RECQL: variants seen among roughly 807,000 people sequenced by gnomAD.
The protein encoded by RECQL is RecQ like helicase.
A neutral mutation model predicts 75.8 loss-of-function variants in RECQL; 73 were observed. That is an observed-to-expected ratio of 0.96 (90% CI 0.80 to 1.17). The LOEUF (loss-of-function observed/expected upper bound fraction) is 1.17, where lower values mean the gene tolerates loss of function less well. Ranked by LOEUF, RECQL falls within the 50% of genes most tolerant of loss-of-function variation. The probability of loss-of-function intolerance (pLI) is 0.00; values close to 1 mark genes in which losing one functional copy is unlikely to be tolerated. For missense variants in RECQL, 699 were observed against 772.1 expected, an observed-to-expected ratio of 0.91 and a Z score of 1.12; for synonymous variants, 248 against 254.4, an observed-to-expected ratio of 0.97 and a Z score of 0.24.
At chr12:21,493,430 A>C (rs1943448688) in intron 2 of RECQL, among the ~76,000 whole-genome samples, 1 of 152,134 alleles carries the variant, frequency 6.6e-6, no homozygotes, top group Non-Finnish European at 1.5e-5. Flanking sequence ...AAAATGTAGG[A>C]TCTGCATTAA....
At chr12:21,488,070 T>C (rs576201066) in intron 4 of RECQL, among the ~76,000 whole-genome samples, 3 of 152,306 alleles carry the variant, frequency 2.0e-5, no homozygotes, top group African/African-American at 7.2e-5. Flanking sequence ...TACTCACCAG[T>C]TCCACTTCCT....
At position 21,477,857 on chromosome 12, in the gene RECQL, A is replaced by G; in HGVS notation, c.813T>C (p.Ile271=). 1 of 1,613,964 alleles carries G rather than the reference A, an allele frequency of 6.2e-7. No individual in the cohort carries two copies. The highest frequency in any genetic ancestry group is 1.1e-5 in the South Asian group (1 of 91,022). The change falls in exon 7 of 15, where the codon ATT becomes ATC. Residue 271 remains isoleucine (I), a synonymous_variant. Transcript: ENST00000444129. ...VLTDAQKILC[I]EKCFTFTASF... ...AAGCTGTAAAAGTAAAACACTTTTC[A>G]ATGCACAAAATTTTCTGAGCATCCG...
intron 8 of RECQL, 97 bp from the exon 9 acceptor site, chr12:21,475,921 C>A: frequency 1.0e-6 from 1 of 959,332 alleles, no homozygotes; most frequent in Non-Finnish European, 1.5e-6. Context: ...ATACAATGCA[C>A]AGAAGGAAAA....
rs895266609 is a variant in RECQL at position 21,477,733 on chromosome 12, A to G, written c.867+70T>C. 3.8e-6 allele frequency: 5 copies of G among 1,300,196 alleles called. 1 individual carries two copies. The South Asian group carries it at 6.2e-5, about 16-fold the overall frequency. 80.5% of individuals were successfully genotyped at this position (1,300,196 alleles called of 1,614,324 possible). A position where few individuals can be genotyped will look rare whatever the true frequency, so the allele number is the denominator to read the frequency against. The stretch of plus-strand genomic sequence containing the variant: ...TACTTAACTGCTCATGTAAATAAAC[A>G]TAATAAAAAGGCAGATCCCCTCTGC... On this transcript the variant is annotated intron_variant, in intron 7 of 14. Coordinates refer to ENST00000444129, the MANE Select transcript of RECQL (RefSeq NM_002907.4).
intron 11 of RECQL, 22 bp from the exon 12 acceptor site, chr12:21,473,664 C>A: frequency 6.3e-7 from 1 of 1,593,154 alleles, no homozygotes; most frequent in Non-Finnish European, 8.6e-7. Flanking sequence ...TTTAAAGATA[C>A]AAATTATTAA....
intron 12 of RECQL, 50 bp downstream of exon 12, chr12:21,473,501 G>T: frequency 7.5e-7 from 1 of 1,336,192 alleles, no homozygotes; most frequent in Non-Finnish European, 1.1e-6. Flanking sequence ...TCTGTCACTA[G>T]GCATTATGAC....
In RECQL at chr12:21,491,529, C is replaced by T. The variant is rs1194615445; in HGVS notation, c.204G>A (p.Trp68Ter). The change falls in exon 3 of 15, where the codon TGG (tryptophan) becomes TGA (stop). Residue 68 changes from tryptophan to a stop codon, truncating the protein, a stop_gained. Coordinates refer to ENST00000444129, the MANE Select transcript of RECQL (RefSeq NM_002907.4). LOFTEE classifies it high-confidence loss of function. ...SNEYDSSPAA[W>*]NKEDFPWSGK... The stretch of plus-strand genomic sequence containing the variant: ...AAAAAAAAAGTTAACCTTCTTTATT[C>T]CAAGCGGCAGGTGAAGAATCATATT... 1 of 1,581,400 alleles carries T rather than the reference C, an allele frequency of 6.3e-7. No homozygotes were observed. The highest frequency in any genetic ancestry group is 2.3e-5 in the East Asian group (1 of 44,418).
intron 10 of RECQL, 110 bp downstream of exon 10, chr12:21,475,358 C>T (rs1943063781): frequency 2.8e-6 from 2 of 708,068 alleles, no homozygotes; most frequent in Non-Finnish European, 4.7e-6. Flanking sequence ...ATACATTGTT[C>T]TAAAAATACT....
At position 21,491,650 on chromosome 12, in the gene RECQL, A is replaced by T. The variant is rs1565574154; in HGVS notation, c.83T>A (p.Leu28His). ...LHAVEIQIQE[L>H]TERQQELIQK... ...AATAAGCTCTTGTTGCCTTTCCGTAAGTTCTTGAATTTGAATTTCTACTGC... is the reference window on the plus strand; with the variant it reads ...AATAAGCTCTTGTTGCCTTTCCGTATGTTCTTGAATTTGAATTTCTACTGC... The change falls in exon 3 of 15, where the codon CTT (leucine) becomes CAT (histidine). Residue 28 changes from leucine (L) to histidine (H), a missense_variant. Around this residue, in one of 2 missense-constraint regions of RECQL, gnomAD observed 669 missense variants for 713.5 expected, o/e 0.94. Coordinates refer to ENST00000444129, the MANE Select transcript of RECQL (RefSeq NM_002907.4). 1.2e-6 allele frequency: 2 copies of T among 1,613,656 alleles called. No homozygotes were observed. Among genetic ancestry groups the T allele is most frequent in the Non-Finnish European group, 1.7e-6 (2 of 1,179,866 alleles).
chr12:21,475,295 C>T (rs769805560), intron 10 of RECQL, among the ~76,000 whole-genome samples, 173 bp downstream of exon 10: 5 of 151,960 alleles, frequency 3.3e-5, no homozygotes, highest in Non-Finnish European at 5.9e-5. Flanking sequence ...ATTCAGATAA[C>T]AGAACATAAG....
intron 9 of RECQL, 26 bp from the exon 10 acceptor site, chr12:21,475,611 T>G: frequency 6.2e-7 from 1 of 1,606,966 alleles, no homozygotes; most frequent in East Asian, 2.2e-5. Context: ...ATTTTATCAG[T>G]TAATTAAATC....
chr12:21,476,239 C>CT (rs1386606047), intron 8 of RECQL, among the ~76,000 whole-genome samples: 6 of 151,996 alleles, frequency 3.9e-5, no homozygotes, highest in African/African-American at 9.7e-5. Flanking sequence ...GGGTGTCTCT[C>CT]TTTATTTTCA....
chr12:21,496,328 G>T (rs571236647), intron 2 of RECQL, among the ~76,000 whole-genome samples: 9 of 152,318 alleles, frequency 5.9e-5, no homozygotes, highest in Non-Finnish European at 5.9e-5. Context: ...TTCAGCTATT[G>T]ATCTGCTGAA....
chr12:21,486,641 G>A (rs2137389294), intron 4 of RECQL, 56 bp from the exon 5 acceptor site: 5 of 525,210 alleles, frequency 9.5e-6, no homozygotes, highest in South Asian at 2.0e-5. Flanking sequence ...CTCAGAATCA[G>A]ATGCAAACCA....
chr12:21,497,540 G>A (rs1158808605), intron 2 of RECQL, among the ~76,000 whole-genome samples: 1 of 152,200 alleles, frequency 6.6e-6, no homozygotes, highest in Non-Finnish European at 1.5e-5. Flanking sequence ...TGATTGGCAG[G>A]ATGGTTAGCA....
At chr12:21,478,110 GT>G in intron 6 of RECQL, 141 bp from the exon 7 acceptor site, 1 of 717,344 alleles carries the variant, frequency 1.4e-6, no homozygotes, top group Non-Finnish European at 2.2e-6. Flanking sequence ...GCAGTTCTGT[GT>G]TAGCCTCTTT....
intron 2 of RECQL, among the ~76,000 whole-genome samples, chr12:21,498,038 AG>A (rs1350574416): frequency 1.3e-5 from 2 of 152,226 alleles, no homozygotes; most frequent in Admixed American, 6.5e-5. Context: ...TCCACCATCC[AG>A]GAATTCACGG....
chr12:21,474,652 T>C (rs1943046605), intron 11 of RECQL, among the ~76,000 whole-genome samples, 189 bp downstream of exon 11: 1 of 152,118 alleles, frequency 6.6e-6, no homozygotes, highest in African/African-American at 2.4e-5. Flanking sequence ...ATCTCAAAGA[T>C]AGGGCATCTT....
rs755644894 is a variant in RECQL, at chr12:21,486,559, T to G, written c.421A>C (p.Ile141Leu). 5 of 1,542,696 alleles carry G rather than the reference T, an allele frequency of 3.2e-6. No individual in the cohort carries two copies. The highest frequency in any genetic ancestry group is 4.4e-6 in the Non-Finnish European group (5 of 1,146,946). The change falls in exon 5 of 15, where the codon ATC (isoleucine) becomes CTC (leucine). Residue 141 changes from isoleucine (I) to leucine (L), a missense_variant. This residue lies in a region of RECQL where 669 missense variants were observed against 713.5 expected (regional missense o/e 0.94). Transcript: ENST00000444129. ...DGFTLVICPL[I>L]SLMEDQLMVL... ...ATTAATTGGTCTTCCATAAGAGAGATCAATGGGCAAATGACGAGTGTAAAA... is the reference window on the plus strand; with the variant it reads ...ATTAATTGGTCTTCCATAAGAGAGAGCAATGGGCAAATGACGAGTGTAAAA...
Sources: gnomAD v4.1 joint callset for allele counts (sites outside exome capture counted in the v4.1 genomes callset) on GRCh38, gnomAD v4.1.1 for gene constraint, gnomAD v4.1.1 regional missense constraint, MANE v1.5 for transcripts, NCBI Gene and HGNC (gene_info 2026-07-23, HGNC 2026-07-21) for gene names.